RSF1: variants seen among roughly 807,000 people sequenced by gnomAD.
RSF1 encodes remodeling and spacing factor 1.
Under a neutral mutation model 145.2 loss-of-function variants are expected in RSF1, and 13 were observed. The ratio of observed to expected loss-of-function variants is 0.09; its 90% CI spans 0.06 to 0.14. The LOEUF (loss-of-function observed/expected upper bound fraction) is 0.14, where lower values mean the gene tolerates loss of function less well. Ranked by LOEUF, RSF1 falls within the 10% of genes least tolerant of loss-of-function variation. RSF1 has a pLI of 1.00. For missense variants in RSF1, 1,517 were observed against 1,718.2 expected, an observed-to-expected ratio of 0.88 and a Z score of 2.07; for synonymous variants, 577 against 592.6, an observed-to-expected ratio of 0.97 and a Z score of 0.38.
chr11:77,706,101 T>G (rs960096857), intron 5 of RSF1, among the ~76,000 whole-genome samples: 7 of 151,556 alleles, frequency 4.6e-5, no homozygotes, highest in African/African-American at 1.7e-4. Flanking sequence ...ATTAGCAGGG[T>G]GGGGTGGTGT....
chr11:77,699,933 T>TTC (rs1960373461), intron 6 of RSF1, among the ~76,000 whole-genome samples: 1 of 152,192 alleles, frequency 6.6e-6, no homozygotes, highest in South Asian at 2.1e-4. Flanking sequence ...AAAGGGATAC[T>TTC]ATATCTACGG....
At chr11:77,681,702 C>A (rs1959866273) in intron 11 of RSF1, among the ~76,000 whole-genome samples, 1 of 152,344 alleles carries the variant, frequency 6.6e-6, no homozygotes, top group Admixed American at 6.5e-5. Flanking sequence ...AGTAACATCA[C>A]TTCACTATGT....
intron 1 of RSF1, among the ~76,000 whole-genome samples, chr11:77,765,136 A>T (rs562808451): frequency 3.6e-5 from 3 of 82,604 alleles, no homozygotes; most frequent in African/African-American, 9.6e-5. Context: ...ATAGTTTGTT[A>T]AAAAAAAAAA....
intron 1 of RSF1, among the ~76,000 whole-genome samples, chr11:77,810,344 A>G (rs7113415): frequency 0.18 from 26,898 of 152,152 alleles, 2,967 homozygotes; most frequent in African/African-American, 0.29. Context: ...AGAGGTAGCC[A>G]TGGCTACTCT....
rs190160720 is a variant in RSF1, at chr11:77,674,582, T to G, written c.3562+454A>C. ...AGTCATCACAATCCTACTAGGCATC[T>G]GATATGAAGTTAACGTATCAATCAG... is the stretch of plus-strand genomic sequence containing the variant. On this transcript the variant is annotated intron_variant, in intron 14 of 15. Coordinates refer to ENST00000308488, the MANE Select transcript of RSF1 (RefSeq NM_016578.4). Among the ~76,000 whole-genome samples the G allele has an allele frequency of 2.6e-5, 4 of 152,378 alleles. No individual in the cohort carries two copies. In the East Asian group the frequency reaches 7.7e-4, roughly 29 times the overall value.
chr11:77,842,228 T>G, the RSF1 span, among the ~76,000 whole-genome samples: 2 of 152,206 alleles, frequency 1.3e-5, no homozygotes, highest in Admixed American at 6.5e-5. Context: ...CTTAATTTTA[T>G]CTCTCAAAAA....
At chr11:77,726,155 A>G (rs1363059660) in intron 4 of RSF1, among the ~76,000 whole-genome samples, 1 of 152,242 alleles carries the variant, frequency 6.6e-6, no homozygotes, top group African/African-American at 2.4e-5. Context: ...ATTAAGATCC[A>G]GAACTTTCTG....
chr11:77,686,077 T>C (rs1353616749), intron 9 of RSF1, among the ~76,000 whole-genome samples: 1 of 152,018 alleles, frequency 6.6e-6, no homozygotes, highest in Non-Finnish European at 1.5e-5. Context: ...CATAGTTTCA[T>C]TTCCAAGAAA....
At chr11:77,778,857 C>T (rs1948374917) in intron 1 of RSF1, among the ~76,000 whole-genome samples, 1 of 152,178 alleles carries the variant, frequency 6.6e-6, no homozygotes, top group South Asian at 2.1e-4. Context: ...TCTGGTCTAT[C>T]CCTGAAAGCT....
chr11:77,687,087 T>C (rs1384697294), intron 9 of RSF1, among the ~76,000 whole-genome samples: 2 of 152,234 alleles, frequency 1.3e-5, no homozygotes, highest in East Asian at 3.9e-4. Context: ...TGAATGACGA[T>C]GGCTAGAATT....
chr11:77,813,537 TTC>T (rs1167764903), intron 1 of RSF1: 3 of 740,708 alleles, frequency 4.1e-6, no homozygotes, highest in African/African-American at 1.7e-5. Flanking sequence ...CACTTGGAGA[TTC>T]TTTGCCTCTG....
At position 77,663,291 on chromosome 11, in the gene RSF1, T is replaced by G. The variant is rs1471318129; in HGVS notation, c.*3626A>C. On this transcript the variant is annotated 3_prime_UTR_variant, in exon 16 of 16. Transcript: ENST00000308488. ...CAAAGGACACCCCACCAGTCCCACT[T>G]AAAAACAGCTAACATTTCCTCATCA... 2.0e-5 allele frequency: 3 copies of G among 152,180 alleles called. No individual in the cohort carries two copies. The highest frequency in any genetic ancestry group is 4.4e-5 in the Non-Finnish European group (3 of 68,018). 9.4% of individuals were successfully genotyped at this position (152,180 alleles called of 1,614,324 possible). A position where few individuals can be genotyped will look rare whatever the true frequency, so the allele number is the denominator to read the frequency against.
intron 11 of RSF1, among the ~76,000 whole-genome samples, chr11:77,681,340 C>CT (rs1369534391): frequency 1.3e-5 from 2 of 152,160 alleles, no homozygotes; most frequent in African/African-American, 2.4e-5. Context: ...TCCAAAATGA[C>CT]TGACATATTA....
At chr11:77,795,893 G>C (rs1948567384) in intron 1 of RSF1, among the ~76,000 whole-genome samples, 1 of 152,126 alleles carries the variant, frequency 6.6e-6, no homozygotes, top group Admixed American at 6.6e-5. Flanking sequence ...CTCAATTTCA[G>C]AACTTGTTAT....
intron 1 of RSF1, among the ~76,000 whole-genome samples, chr11:77,772,946 T>C (rs1332748588): frequency 1.3e-5 from 2 of 151,374 alleles, no homozygotes; most frequent in African/African-American, 4.9e-5. Flanking sequence ...ATCAAATGGA[T>C]GAAGGAATAG....
intron 11 of RSF1, among the ~76,000 whole-genome samples, chr11:77,679,612 G>A (rs1281938084): frequency 6.6e-6 from 1 of 150,854 alleles, no homozygotes; most frequent in Non-Finnish European, 1.5e-5. Context: ...GGCAGAGGAT[G>A]AAGTAAGCCG....
rs1565151868 is a variant in RSF1 at position 77,698,479 on chromosome 11, G to A, written c.2715+8C>T. The A allele has an allele frequency of 6.2e-7, 1 of 1,611,544 alleles. No homozygotes were observed. The highest frequency in any genetic ancestry group is 2.2e-5 in the East Asian group (1 of 44,848). On this transcript the variant is annotated splice_region_variant and intron_variant, in intron 7 of 15. Transcript: ENST00000308488. Reference sequence around the variant, plus strand: ...TATGAGTATTCTTCATTTACATCAGGTACATACTAGCTCAGGATGGTTTGG... The same window carrying A: ...TATGAGTATTCTTCATTTACATCAGATACATACTAGCTCAGGATGGTTTGG...
At chr11:77,735,943 T>C (rs111882991) in intron 4 of RSF1, among the ~76,000 whole-genome samples, 3,090 of 152,330 alleles carry the variant, frequency 0.02, 92 homozygotes, top group African/African-American at 0.07. Context: ...TTCACCATGT[T>C]GGCCAGGATG....
chr11:77,791,687 G>A (rs1156245086), intron 1 of RSF1, among the ~76,000 whole-genome samples: 1 of 152,174 alleles, frequency 6.6e-6, no homozygotes, highest in Non-Finnish European at 1.5e-5. Flanking sequence ...AAATCTCTAG[G>A]GCAGGGGAAA....
Sources: gnomAD v4.1 joint callset for allele counts (sites outside exome capture counted in the v4.1 genomes callset) on GRCh38, gnomAD v4.1.1 for gene constraint, MANE v1.5 for transcripts, NCBI Gene and HGNC (gene_info 2026-07-23, HGNC 2026-07-21) for gene names.